Variants in UNC13C observed in about 807,000 individuals in gnomAD.
UNC13C encodes unc-13 homolog C, also known as protein unc-13 homolog C.
A neutral mutation model predicts 245.4 loss-of-function variants in UNC13C; 174 were observed. That is an observed-to-expected ratio of 0.71 (90% CI 0.63 to 0.80). UNC13C has a LOEUF of 0.80. Ranked by LOEUF, UNC13C falls within the 30% of genes least tolerant of loss-of-function variation. The probability of loss-of-function intolerance (pLI) is 0.00; values close to 1 mark genes in which losing one functional copy is unlikely to be tolerated. For missense variants in UNC13C, 2,829 were observed against 2,602.9 expected (o/e 1.09, Z -1.89); for synonymous variants, 992 against 895.1 (o/e 1.11, Z -1.93).
intron 19 of UNC13C, among the ~76,000 whole-genome samples, chr15:54,492,255 A>G (rs1371452252): frequency 1.3e-5 from 2 of 152,148 alleles, no homozygotes; most frequent in African/African-American, 4.8e-5. Flanking sequence ...GTTCTCAGAT[A>G]CAGTTTATAT....
chr15:54,534,285 C>T (rs1028916737), intron 26 of UNC13C, among the ~76,000 whole-genome samples: 1 of 152,158 alleles, frequency 6.6e-6, no homozygotes, highest in African/African-American at 2.4e-5. Flanking sequence ...AGGGTTAGGA[C>T]ATGCAATCCA....
chr15:54,249,453 C>T (rs975851644), intron 7 of UNC13C, among the ~76,000 whole-genome samples: 6 of 152,094 alleles, frequency 3.9e-5, no homozygotes, highest in Non-Finnish European at 7.4e-5. Flanking sequence ...AAGAAATGTA[C>T]CTCTACTATG....
At chr15:54,180,329 A>G (rs180828714) in intron 4 of UNC13C, among the ~76,000 whole-genome samples, 5 of 152,224 alleles carry the variant, frequency 3.3e-5, no homozygotes, top group Non-Finnish European at 7.4e-5. Flanking sequence ...TACAAAGGAC[A>G]TGATTTCATT....
At chr15:54,053,494 A>G (rs1318216818) in intron 2 of UNC13C, among the ~76,000 whole-genome samples, 1 of 152,072 alleles carries the variant, frequency 6.6e-6, no homozygotes, top group Non-Finnish European at 1.5e-5. Context: ...TTTTTAATTT[A>G]TGGTTTTTAT....
chr15:54,558,724 G>A lies in UNC13C; in HGVS notation c.5958+3212G>A, dbSNP rs546650180. On this transcript the variant is annotated intron_variant, in intron 29 of 32. Coordinates refer to ENST00000260323, the MANE Select transcript of UNC13C (RefSeq NM_001080534.3). ...ATGATCATCTGCTGCAGGTAGGATG[G>A]TTGGGCTTTGAGACATTCCATTTAC... Among the ~76,000 whole-genome samples the A allele has an allele frequency of 1.8e-3, 276 of 152,114 alleles. 1 individual carries two copies. The highest frequency in any genetic ancestry group is 6.4e-3 in the African/African-American group (265 of 41,504).
intron 30 of UNC13C, among the ~76,000 whole-genome samples, chr15:54,582,693 C>G (rs898038268): frequency 2.6e-5 from 4 of 152,100 alleles, no homozygotes; most frequent in African/African-American, 7.2e-5. Context: ...CACTGTGAGT[C>G]CCCTGGGTAA....
rs746009200 is a variant in UNC13C, at chr15:54,555,474, C to T, written c.5920C>T (p.Gln1974Ter). ...REDARGLTPRQCAIMEVVLAT... is the reference protein window; with the variant it reads ...REDARGLTPR ...GGATGCCAGGGGTCTGACGCCAAGA[C>T]AATGCGCTATAATGGAGGTAGTCCT... Residue 1974 changes from glutamine (Q) to a stop codon, truncating the protein, a stop_gained, in exon 29 of 33, where the codon CAA becomes TAA. Coordinates refer to ENST00000260323, the MANE Select transcript of UNC13C (RefSeq NM_001080534.3). LOFTEE classifies it high-confidence loss of function. 6.2e-7 allele frequency: 1 copy of T among 1,612,406 alleles called. No homozygotes were observed. The highest frequency in any genetic ancestry group is 2.2e-5 in the East Asian group (1 of 44,798).
chr15:53,855,329 A>T, the UNC13C span, among the ~76,000 whole-genome samples: 136 of 152,148 alleles, frequency 8.9e-4, no homozygotes, highest in Admixed American at 1.6e-3. Flanking sequence ...TTCTAATACT[A>T]TGTTGAGTAG....
At chr15:54,321,322 G>T in intron 13 of UNC13C, 1 of 469,966 alleles carries the variant, frequency 2.1e-6, no homozygotes, top group South Asian at 1.6e-5. Context: ...TCTCTTGGGT[G>T]ATGTCCTTCA....
At chr15:54,455,916 T>C (rs1413703142) in intron 19 of UNC13C, among the ~76,000 whole-genome samples, 1 of 152,214 alleles carries the variant, frequency 6.6e-6, no homozygotes, top group African/African-American at 2.4e-5. Flanking sequence ...GCATTTACTT[T>C]TGGGTTCTTG....
At chr15:54,027,043 T>A (rs1896140303) in intron 2 of UNC13C, among the ~76,000 whole-genome samples, 1 of 152,140 alleles carries the variant, frequency 6.6e-6, no homozygotes, top group Non-Finnish European at 1.5e-5. Flanking sequence ...AAATGGTATT[T>A]GATCTGAGAT....
intron 7 of UNC13C, among the ~76,000 whole-genome samples, chr15:54,242,982 G>A (rs80116050): frequency 2.4e-4 from 37 of 151,398 alleles, no homozygotes; most frequent in Middle Eastern, 3.2e-3. Context: ...TTTTTTTTCC[G>A]TCAACTTTTA....
At chr15:53,849,132 T>C in the UNC13C span, among the ~76,000 whole-genome samples, 1 of 151,906 alleles carries the variant, frequency 6.6e-6, no homozygotes, top group Non-Finnish European at 1.5e-5. Context: ...AGATAGCATG[T>C]AGTTGAATCT....
the UNC13C span, among the ~76,000 whole-genome samples, chr15:53,932,170 G>A: frequency 5.3e-5 from 8 of 151,956 alleles, no homozygotes; most frequent in African/African-American, 1.7e-4. Context: ...TTAGCTGGGC[G>A]TGGTGGCACG....
intron 2 of UNC13C, among the ~76,000 whole-genome samples, chr15:54,056,710 G>C (rs55915878): frequency 0.14 from 21,379 of 152,198 alleles, 1,776 homozygotes; most frequent in Admixed American, 0.2. Context: ...CAGCCAGAGA[G>C]AAAGGTCGGG....
At chr15:54,091,389 T>A (rs1490069439) in intron 2 of UNC13C, among the ~76,000 whole-genome samples, 3 of 152,236 alleles carry the variant, frequency 2.0e-5, no homozygotes, top group Middle Eastern at 3.2e-3. Context: ...GATTTTATAG[T>A]CCTTTCTTAG....
chr15:53,976,160 CAT>C (rs1893687700), upstream of UNC13C, among the ~76,000 whole-genome samples: 1 of 152,152 alleles, frequency 6.6e-6, no homozygotes, highest in East Asian at 1.9e-4. Context: ...CTAACGGCAA[CAT>C]ATTTTATTAG....
chr15:54,533,917 A>G (rs1013393652), intron 26 of UNC13C, among the ~76,000 whole-genome samples: 37 of 152,218 alleles, frequency 2.4e-4, no homozygotes, highest in Non-Finnish European at 2.9e-5. Context: ...AAAGTGAATA[A>G]TAATTTTGAA....
At chr15:54,118,902 GT>G (rs3082226) in intron 2 of UNC13C, among the ~76,000 whole-genome samples, 157 of 140,774 alleles carry the variant, frequency 1.1e-3, no homozygotes, top group African/African-American at 1.8e-3. Flanking sequence ...TGATCTTACG[GT>G]TTTTTTTTTT....
Sources: gnomAD v4.1 joint callset for allele counts (sites outside exome capture counted in the v4.1 genomes callset) on GRCh38, gnomAD v4.1.1 for gene constraint, MANE v1.5 for transcripts, NCBI Gene and HGNC (gene_info 2026-07-23, HGNC 2026-07-21) for gene names.